GOLGA3: variants seen among roughly 807,000 people sequenced by gnomAD.
GOLGA3 encodes the protein golgin A3.
A neutral mutation model predicts 169.4 loss-of-function variants in GOLGA3; 75 were observed. That is an observed-to-expected ratio of 0.44 (90% CI 0.37 to 0.54). The LOEUF is 0.54. GOLGA3 is among the 20% of genes least tolerant of loss of function. The pLI, the probability that GOLGA3 is intolerant of heterozygous loss-of-function variation, is 0.00. For missense variants in GOLGA3, 1,899 were observed against 1,930.0 expected (o/e 0.98, Z 0.30); for synonymous variants, 824 against 822.4 (o/e 1.00, Z -0.03).
chr12:132,809,078 T>C (rs927494414), intron 4 of GOLGA3, among the ~76,000 whole-genome samples: 2 of 152,166 alleles, frequency 1.3e-5, no homozygotes, highest in African/African-American at 4.8e-5. Flanking sequence ...CCTCCAATGA[T>C]AGGTAAGGTC....
Position 132,786,507 on chromosome 12 carries a change from C to T in GOLGA3, c.2955G>A (p.Leu985=). The change falls in exon 15 of 24, where the codon TTG becomes TTA. Residue 985 remains leucine (L), a synonymous_variant. Coordinates refer to ENST00000450791, the MANE Select transcript of GOLGA3 (RefSeq NM_001389683.1). Reference sequence around the variant, plus strand: ...TCTTCATCTCCTTCTGGGCGCTGGTCAAGTCTGAGCCCAGCCGCCTCATCT... The same window carrying T: ...TCTTCATCTCCTTCTGGGCGCTGGTTAAGTCTGAGCCCAGCCGCCTCATCT... ...KQKMRRLGSD[L]TSAQKEMKTK... is the part of the protein sequence containing the mutation. The T allele has an allele frequency of 1.9e-6, 3 of 1,613,480 alleles. No homozygotes were observed. Among genetic ancestry groups the T allele is most frequent in the Non-Finnish European group, 2.5e-6 (3 of 1,179,930 alleles).
In GOLGA3 at chr12:132,825,731, C is replaced by G. The variant is rs1950383597; in HGVS notation, c.-184+3072G>C. On this transcript the variant is annotated intron_variant, in intron 1 of 23. Transcript: ENST00000450791. ...GGACATTCAGACTGAGCGTGCCTAC[C>G]AAAAGCAGCCGACCATCTTTCAAAA... is the stretch of plus-strand genomic sequence containing the variant. 29 of 1,544,902 alleles carry G rather than the reference C, an allele frequency of 1.9e-5. No homozygotes were observed. The South Asian group carries it at 3.1e-4, about 17-fold the overall frequency.
intron 13 of GOLGA3, among the ~76,000 whole-genome samples, chr12:132,788,611 A>C (rs1308898515): frequency 1.3e-5 from 2 of 152,160 alleles, no homozygotes; most frequent in Non-Finnish European, 2.9e-5. Context: ...AGGGACTCCC[A>C]GGGTCCCCGG....
In GOLGA3 at chr12:132,804,875, G is replaced by C. The variant is rs1949312344; in HGVS notation, c.1438C>G (p.Leu480Val). The change falls in exon 7 of 24, where the codon CTG becomes GTG. Residue 480 changes from leucine (L) to valine (V), a missense_variant. Transcript: ENST00000450791. This position sits in a 1 kb window ranked among gnomAD's most constrained non-coding sequence, Gnocchi z 4.1. ...VDTLKQSCWDLERAMTDLQNM... is the reference protein window; with the variant it reads ...VDTLKQSCWDVERAMTDLQNM... The stretch of plus-strand genomic sequence containing the variant: ...TGCAGGTCAGTCATGGCTCGCTCCA[G>C]GTCCCAGCACGACTGCTTCAGGGTG... 1 of 1,614,126 alleles carries C rather than the reference G, an allele frequency of 6.2e-7. No homozygotes were observed. The highest frequency in any genetic ancestry group is 1.1e-5 in the South Asian group (1 of 91,090).
chr12:132,814,704 C>T (rs1247111577), intron 3 of GOLGA3, among the ~76,000 whole-genome samples: 1 of 152,246 alleles, frequency 6.6e-6, no homozygotes, highest in African/African-American at 2.4e-5. Flanking sequence ...CTCCGCCCTC[C>T]AGGGCTGGGG....
intron 6 of GOLGA3, among the ~76,000 whole-genome samples, chr12:132,806,016 G>T (rs1219269236): frequency 1.3e-5 from 2 of 152,202 alleles, no homozygotes; most frequent in Admixed American, 1.3e-4. Context: ...GTGCTGTGTG[G>T]TCCCAGGAGC....
intron 10 of GOLGA3, 130 bp downstream of exon 10, chr12:132,796,409 C>T (rs1002796769): frequency 1.3e-5 from 16 of 1,222,886 alleles, no homozygotes; most frequent in South Asian, 1.0e-4. Flanking sequence ...AGCGTCTGAC[C>T]GACAGCCCAA....
intron 22 of GOLGA3, 33 bp downstream of exon 22, chr12:132,775,108 C>CG: frequency 6.3e-7 from 1 of 1,595,140 alleles, no homozygotes; most frequent in Non-Finnish European, 8.5e-7. Context: ...CAGCGCACGT[C>CG]GGCTACCCCG....
chr12:132,777,045 T>A lies in GOLGA3; in HGVS notation c.3768A>T (p.Ala1256=). ...GCTGTGCCCGGGCCTCGGCCAGCTC[T>A]GCTTGGAACTGTGCTATCTCCTGGG... ...KHSQEIAQFQ[A]ELAEARAQLQ... The change falls in exon 20 of 24, where the codon GCA becomes GCT. Residue 1256 remains alanine, a synonymous_variant. Transcript: ENST00000450791. This position sits in a 1 kb window ranked among gnomAD's most constrained non-coding sequence, Gnocchi z 4.7. The A allele has an allele frequency of 1.9e-6, 3 of 1,609,690 alleles. No homozygotes were observed. Among genetic ancestry groups the A allele is most frequent in the Non-Finnish European group, 2.5e-6 (3 of 1,178,610 alleles).
In GOLGA3 at chr12:132,795,335, T is replaced by C. The variant is rs2136457783; in HGVS notation, c.2469+517A>G. 1.3e-5 allele frequency among the ~76,000 whole-genome samples: 2 copies of C among 151,602 alleles called. 1 individual carries two copies. The highest frequency in any genetic ancestry group is 4.2e-4 in the South Asian group (2 of 4,818). The stretch of plus-strand genomic sequence containing the variant: ...GGCAAAACTCCATCTCTACTACAAA[T>C]ACAAAAGTTAGCTGGGCACAATGGC... On this transcript the variant is annotated intron_variant, in intron 11 of 23. Coordinates refer to ENST00000450791, the MANE Select transcript of GOLGA3 (RefSeq NM_001389683.1).
intron 18 of GOLGA3, among the ~76,000 whole-genome samples, 173 bp downstream of exon 18, chr12:132,780,625 C>T (rs1017079337): frequency 2.6e-5 from 4 of 152,258 alleles, no homozygotes; most frequent in African/African-American, 9.6e-5. Context: ...TAATCTAACG[C>T]CACCTTCTAC....
At chr12:132,823,168 C>A (rs1439576898) in intron 1 of GOLGA3, among the ~76,000 whole-genome samples, 2 of 152,244 alleles carry the variant, frequency 1.3e-5, no homozygotes, top group Non-Finnish European at 2.9e-5. Context: ...CACGGCAGGG[C>A]CCGTTCCCGT....
In GOLGA3 at chr12:132,770,293, TC is replaced by T. The variant is rs1243592177; in HGVS notation, c.*2811del. 2.0e-5 allele frequency: 3 copies of T among 148,702 alleles called. No homozygotes were observed. Among genetic ancestry groups the T allele is most frequent in the Non-Finnish European group, 4.4e-5 (3 of 67,932 alleles). The allele number at this position is 148,702 out of a possible 1,614,324, so 9.2% of individuals were successfully genotyped here. A position where few individuals can be genotyped will look rare whatever the true frequency, so the allele number is the denominator to read the frequency against. On this transcript the variant is annotated 3_prime_UTR_variant, in exon 24 of 24. Transcript: ENST00000450791. ...AGGCGTCTTCTTAAGGAAGGAAGTG[TC>T]CGCGTGAACACGAGAGGCCTCAGAT...
intron 5 of GOLGA3, among the ~76,000 whole-genome samples, chr12:132,807,519 G>A (rs1456061698): frequency 3.3e-5 from 5 of 152,212 alleles, no homozygotes; most frequent in African/African-American, 7.2e-5. Flanking sequence ...ACATGCAAGC[G>A]TCGTGCAGCT....
At chr12:132,812,664 A>G (rs1949775294) in intron 4 of GOLGA3, among the ~76,000 whole-genome samples, 1 of 152,244 alleles carries the variant, frequency 6.6e-6, no homozygotes, top group Admixed American at 6.5e-5. Context: ...TAGAACTAGA[A>G]GTGGAGCCTG....
At chr12:132,824,419 T>C (rs1041328026) in intron 1 of GOLGA3, among the ~76,000 whole-genome samples, 2 of 152,256 alleles carry the variant, frequency 1.3e-5, no homozygotes, top group African/African-American at 4.8e-5. Flanking sequence ...AGGTTACGTA[T>C]GCTATTAGTG....
chr12:132,780,865 T>C lies in GOLGA3; in HGVS notation c.3515A>G (p.His1172Arg). 6.2e-7 allele frequency: 1 copy of C among 1,612,522 alleles called. No homozygotes were observed. Among genetic ancestry groups the C allele is most frequent in the Non-Finnish European group, 8.5e-7 (1 of 1,180,024 alleles). Residue 1172 changes from histidine to arginine, a missense_variant, in exon 18 of 24, where the codon CAT (histidine) becomes CGT (arginine). His to Arg is a conservative substitution (Grantham distance 29). Transcript: ENST00000450791. ...RKEEEDRQMK[H>R]LVQALQASLE... ...TGAGGCCTGCAGGGCCTGGACAAGA[T>C]GCTTCATCTGGCGATCCTCCTCTTC...
chr12:132,791,360 T>TTA (rs1010361003), intron 11 of GOLGA3, 67 bp from the exon 12 acceptor site: 36 of 858,166 alleles, frequency 4.2e-5, no homozygotes, highest in Non-Finnish European at 6.4e-5. Context: ...TGCACAGATG[T>TTA]TACACTGAAG....
intron 1 of GOLGA3, among the ~76,000 whole-genome samples, chr12:132,825,241 G>A (rs574671433): frequency 6.6e-6 from 1 of 151,458 alleles, no homozygotes; most frequent in South Asian, 2.1e-4. Flanking sequence ...AGGAACCGAC[G>A]GTGTGTGCCT....
Sources: gnomAD v4.1 joint callset for allele counts (sites outside exome capture counted in the v4.1 genomes callset) on GRCh38, gnomAD v4.1.1 for gene constraint, Gnocchi (gnomAD v3.1) non-coding constraint, MANE v1.5 for transcripts, NCBI Gene and HGNC (gene_info 2026-07-23, HGNC 2026-07-21) for gene names.